PRKN: variants seen among roughly 807,000 people sequenced by gnomAD.
The protein encoded by PRKN is parkin RBR E3 ubiquitin protein ligase, also known as E3 ubiquitin-protein ligase parkin.
PRKN carries 56 observed loss-of-function variants against 59.5 expected under a neutral mutation model. That is an observed-to-expected ratio of 0.94 (90% CI 0.76 to 1.18). PRKN has a LOEUF of 1.18. Ranked by LOEUF, PRKN falls within the 50% of genes most tolerant of loss-of-function variation. The pLI is 0.00. For missense variants in PRKN, 657 were observed against 596.4 expected (o/e 1.10, Z -1.06); for synonymous variants, 250 against 222.1 (o/e 1.13, Z -1.12).
intron 1 of PRKN, among the ~76,000 whole-genome samples, chr6:162,622,129 T>A (rs913062454): frequency 1.3e-5 from 2 of 151,832 alleles, no homozygotes; most frequent in Admixed American, 6.6e-5. Context: ...TCACTTTAAG[T>A]TGAAGAAAAA....
At chr6:161,686,573 G>A (rs1005975545) in intron 7 of PRKN, among the ~76,000 whole-genome samples, 3 of 152,048 alleles carry the variant, frequency 2.0e-5, no homozygotes, top group Non-Finnish European at 4.4e-5. Flanking sequence ...CATGATCTAC[G>A]GAATAAATTT....
intron 6 of PRKN, among the ~76,000 whole-genome samples, chr6:161,900,547 T>C (rs934334757): frequency 8.2e-5 from 5 of 61,272 alleles, no homozygotes; most frequent in Non-Finnish European, 1.2e-4. Flanking sequence ...TATTATAATA[T>C]ACATATTTTA....
At chr6:161,986,171 G>A (rs554262859) in intron 5 of PRKN, among the ~76,000 whole-genome samples, 80 of 152,230 alleles carry the variant, frequency 5.3e-4, no homozygotes, top group Non-Finnish European at 5.7e-4. Flanking sequence ...TGCATAAACT[G>A]CCCCTTAATC....
intron 1 of PRKN, among the ~76,000 whole-genome samples, chr6:162,668,165 G>A (rs1448910565): frequency 3.3e-5 from 5 of 152,148 alleles, no homozygotes; most frequent in Non-Finnish European, 5.9e-5. Context: ...TATATCCTCA[G>A]TAAACTCATC....
At chr6:162,535,766 G>A (rs542418101) in intron 1 of PRKN, among the ~76,000 whole-genome samples, 44 of 151,868 alleles carry the variant, frequency 2.9e-4, no homozygotes, top group African/African-American at 9.4e-4. Context: ...AAAATTAGCC[G>A]GGCACGGTGG....
intron 3 of PRKN, among the ~76,000 whole-genome samples, chr6:162,224,405 G>A (rs1778073312): frequency 6.6e-6 from 1 of 152,164 alleles, no homozygotes; most frequent in Non-Finnish European, 1.5e-5. Context: ...TAGCCTAGGT[G>A]TGTGCGAGGC....
chr6:162,268,536 T>C (rs1780235278), intron 2 of PRKN, among the ~76,000 whole-genome samples: 1 of 152,222 alleles, frequency 6.6e-6, no homozygotes, highest in South Asian at 2.1e-4. Flanking sequence ...ATAAAGTTAG[T>C]GTGTAAACAG....
intron 2 of PRKN, among the ~76,000 whole-genome samples, chr6:162,339,333 G>A (rs1583407292): frequency 6.8e-6 from 1 of 146,538 alleles, no homozygotes; most frequent in Non-Finnish European, 1.5e-5. Context: ...CCGTCTGGGA[G>A]GGAGGTGGGG....
At chr6:161,408,780 A>G (rs1162500104) in intron 9 of PRKN, among the ~76,000 whole-genome samples, 2 of 152,010 alleles carry the variant, frequency 1.3e-5, no homozygotes, top group African/African-American at 4.8e-5. Context: ...AGAATCCACA[A>G]TGACATCTCT....
chr6:161,431,621 C>CT (rs893764621), intron 9 of PRKN, among the ~76,000 whole-genome samples: 23 of 148,736 alleles, frequency 1.5e-4, no homozygotes, highest in South Asian at 1.3e-3. Flanking sequence ...TTTTCTTTTT[C>CT]TTTTTTTTTG....
intron 2 of PRKN, among the ~76,000 whole-genome samples, chr6:162,424,748 A>AAAAAG (rs1300887381): frequency 6.6e-6 from 1 of 151,738 alleles, no homozygotes; most frequent in Non-Finnish European, 1.5e-5. Flanking sequence ...GAAAAAAAAA[A>AAAAAG]AAAAGAAAAG....
chr6:162,579,399 A>G (rs1780691569), intron 1 of PRKN, among the ~76,000 whole-genome samples: 1 of 151,614 alleles, frequency 6.6e-6, no homozygotes, highest in African/African-American at 2.4e-5. Context: ...GACAAAATCT[A>G]CATGCAACAA....
chr6:162,398,151 C>A (rs1787569422), intron 2 of PRKN, among the ~76,000 whole-genome samples: 1 of 151,522 alleles, frequency 6.6e-6, no homozygotes, highest in African/African-American at 2.4e-5. Context: ...CAACATAAAG[C>A]AAATACTTTA....
chr6:162,111,091 G>A (rs984852202), intron 4 of PRKN, among the ~76,000 whole-genome samples: 1 of 152,122 alleles, frequency 6.6e-6, no homozygotes, highest in East Asian at 1.9e-4. Flanking sequence ...ATGGGAAGAT[G>A]TGCACAAGGG....
intron 1 of PRKN, among the ~76,000 whole-genome samples, chr6:162,684,578 T>C (rs1410077574): frequency 6.6e-6 from 1 of 152,150 alleles, no homozygotes; most frequent in Non-Finnish European, 1.5e-5. Context: ...TCAGAAGTTT[T>C]AGGCTGATTG....
chr6:162,703,053 T>A (rs1468374427), intron 1 of PRKN, among the ~76,000 whole-genome samples: 1 of 152,216 alleles, frequency 6.6e-6, no homozygotes, highest in Admixed American at 6.5e-5. Flanking sequence ...GTATTCTAGG[T>A]GTTGATTACT....
At position 161,576,903 on chromosome 6, in the gene PRKN, C is replaced by T. The variant is rs997102856; in HGVS notation, c.872-7487G>A. ...ATAAAGTTGAGAAAAAAGTTGCAAT[C>T]GTTTATGCACAATGCAATGTCATTT... On this transcript the variant is annotated intron_variant, in intron 7 of 11. Transcript: ENST00000366898. This position sits in a 1 kb window ranked among gnomAD's most constrained non-coding sequence, Gnocchi z 4.6. 6.6e-6 allele frequency among the ~76,000 whole-genome samples: 1 copy of T among 152,110 alleles called. No individual in the cohort carries two copies. Among genetic ancestry groups the T allele is most frequent in the Non-Finnish European group, 1.5e-5 (1 of 68,026 alleles).
intron 6 of PRKN, among the ~76,000 whole-genome samples, chr6:161,900,928 A>ATTTTT (rs1554245085): frequency 4.9e-5 from 7 of 143,510 alleles, no homozygotes; most frequent in Non-Finnish European, 6.0e-5. Flanking sequence ...ATATATATAT[A>ATTTTT]TTTTTTAGAT....
chr6:162,481,630 A>T (rs574838447), intron 1 of PRKN, among the ~76,000 whole-genome samples: 17 of 152,324 alleles, frequency 1.1e-4, no homozygotes, highest in African/African-American at 3.8e-4. Flanking sequence ...AGTGCCAGAA[A>T]CATTTTTTCA....
Sources: allele counts gnomAD v4.1 joint callset (sites outside exome capture counted in the v4.1 genomes callset), GRCh38; gene constraint gnomAD v4.1.1; non-coding constraint Gnocchi (gnomAD v3.1); transcripts MANE v1.5; gene names NCBI Gene and HGNC (gene_info 2026-07-23, HGNC 2026-07-21).